Variants in PAK5 observed in about 807,000 individuals in gnomAD.
PAK5 encodes the protein serine/threonine-protein kinase PAK 5.
In PAK5, 16 loss-of-function variants were observed where a neutral mutation model predicts 65.9. That is an observed-to-expected ratio of 0.24 (90% CI 0.16 to 0.37). PAK5 has a LOEUF of 0.37. Ranked by LOEUF, PAK5 falls within the 10% of genes least tolerant of loss-of-function variation. The pLI, the probability that PAK5 is intolerant of heterozygous loss-of-function variation, is 1.00. For synonymous variants in PAK5, 371 were observed against 354.9 expected (o/e 1.05, Z -0.51); for missense variants, 785 against 903.9 (o/e 0.87, Z 1.69).
intron 3 of PAK5, among the ~76,000 whole-genome samples, chr20:9,603,006 C>T (rs1269969110): frequency 6.6e-6 from 1 of 152,162 alleles, no homozygotes; most frequent in Non-Finnish European, 1.5e-5. Context: ...ATGTGAAAGC[C>T]AAGTTGATTT....
intron 4 of PAK5, among the ~76,000 whole-genome samples, chr20:9,568,404 A>G (rs906809831): frequency 1.3e-5 from 2 of 152,192 alleles, no homozygotes; most frequent in Non-Finnish European, 2.9e-5. Flanking sequence ...GATGGCTATC[A>G]GGATTTTGGC....
chr20:9,672,673 C>T (rs182251888), intron 2 of PAK5, among the ~76,000 whole-genome samples: 4 of 152,212 alleles, frequency 2.6e-5, no homozygotes, highest in Admixed American at 1.3e-4. Context: ...TACCCAGTCT[C>T]GCGTATGTCT....
At chr20:9,724,072 A>T (rs545254050) in intron 1 of PAK5, among the ~76,000 whole-genome samples, 1 of 152,300 alleles carries the variant, frequency 6.6e-6, no homozygotes, top group Admixed American at 6.5e-5. Context: ...TTACAAATGT[A>T]GCAGAAAATT....
chr20:9,708,963 C>T (rs775201886), intron 2 of PAK5, among the ~76,000 whole-genome samples: 8 of 152,058 alleles, frequency 5.3e-5, no homozygotes, highest in East Asian at 1.9e-4. Context: ...ACCCTACAAA[C>T]GTATGCTGGC....
chr20:9,577,172 C>A (rs564566630), intron 4 of PAK5, among the ~76,000 whole-genome samples: 17 of 152,122 alleles, frequency 1.1e-4, no homozygotes, highest in African/African-American at 3.9e-4. Flanking sequence ...GCTTCCCACC[C>A]TCCCAACCCC....
chr20:9,630,170 A>G (rs1160439861), intron 3 of PAK5, among the ~76,000 whole-genome samples: 1 of 152,164 alleles, frequency 6.6e-6, no homozygotes, highest in Non-Finnish European at 1.5e-5. Context: ...CAGAATCAGA[A>G]TCTGATGATG....
intron 1 of PAK5, among the ~76,000 whole-genome samples, chr20:9,785,883 G>C (rs942937357): frequency 6.6e-6 from 1 of 152,086 alleles, no homozygotes; most frequent in African/African-American, 2.4e-5. Flanking sequence ...GCAGCCTCAA[G>C]GTCAGAAAAG....
intron 3 of PAK5, among the ~76,000 whole-genome samples, chr20:9,582,873 A>C (rs1323767531): frequency 6.6e-6 from 1 of 152,148 alleles, no homozygotes; most frequent in East Asian, 1.9e-4. Flanking sequence ...TGTTGCTCAA[A>C]TGGTTCCAGC....
chr20:9,545,009 T>C (rs1364030901), intron 7 of PAK5, among the ~76,000 whole-genome samples: 1 of 152,206 alleles, frequency 6.6e-6, no homozygotes, highest in Non-Finnish European at 1.5e-5. Context: ...CCTTTGCTTA[T>C]CCAGGATGTG....
intron 1 of PAK5, among the ~76,000 whole-genome samples, chr20:9,743,406 G>C (rs113144526): frequency 1.3e-5 from 2 of 150,310 alleles, no homozygotes; most frequent in African/African-American, 4.9e-5. Context: ...AAAAACAAAC[G>C]AAACAAAACA....
chr20:9,728,637 T>A (rs193213539), intron 1 of PAK5, among the ~76,000 whole-genome samples: 1 of 152,314 alleles, frequency 6.6e-6, no homozygotes, highest in East Asian at 1.9e-4. Context: ...AAATACATTT[T>A]GGATCTTGGA....
intron 1 of PAK5, among the ~76,000 whole-genome samples, chr20:9,743,077 T>C (rs1197072163): frequency 6.6e-6 from 1 of 152,118 alleles, no homozygotes; most frequent in Non-Finnish European, 1.5e-5. Flanking sequence ...TAATAAAGTA[T>C]AAAAAACTGG....
At chr20:9,716,704 A>G (rs1270252666) in intron 1 of PAK5, among the ~76,000 whole-genome samples, 3 of 152,190 alleles carry the variant, frequency 2.0e-5, no homozygotes, top group Admixed American at 1.3e-4. Flanking sequence ...CTCTCCTCTC[A>G]TATTTCTTTC....
intron 1 of PAK5, among the ~76,000 whole-genome samples, chr20:9,752,942 T>C (rs1481752197): frequency 6.6e-6 from 1 of 152,116 alleles, no homozygotes; most frequent in Non-Finnish European, 1.5e-5. Flanking sequence ...CCACCCTCAC[T>C]TGGAACCCTG....
chr20:9,600,262 G>C (rs922360978), intron 3 of PAK5, among the ~76,000 whole-genome samples: 2 of 152,138 alleles, frequency 1.3e-5, no homozygotes, highest in African/African-American at 4.8e-5. Context: ...TAGTTTTGTA[G>C]TAAGTTTTGA....
chr20:9,670,994 C>A (rs1018996109), intron 2 of PAK5, among the ~76,000 whole-genome samples: 3 of 152,190 alleles, frequency 2.0e-5, no homozygotes, highest in African/African-American at 7.2e-5. Context: ...CTACATATGG[C>A]TAGCCAGTTT....
intron 2 of PAK5, among the ~76,000 whole-genome samples, chr20:9,695,389 A>G (rs548796629): frequency 2.6e-4 from 40 of 152,136 alleles, no homozygotes; most frequent in African/African-American, 7.5e-4. Context: ...CTTTTCCATT[A>G]TATTTATTAC....
At chr20:9,701,963 G>T (rs1055426953) in intron 2 of PAK5, among the ~76,000 whole-genome samples, 1 of 152,064 alleles carries the variant, frequency 6.6e-6, no homozygotes, top group Non-Finnish European at 1.5e-5. Flanking sequence ...CTGTATCACT[G>T]CACTCCAGCC....
At chr20:9,689,344 T>C (rs2047761977) in intron 2 of PAK5, among the ~76,000 whole-genome samples, 2 of 152,222 alleles carry the variant, frequency 1.3e-5, no homozygotes, top group South Asian at 2.1e-4. Context: ...AATTGTCTAC[T>C]CAGCCAAATA....
Sources: gnomAD v4.1 joint callset for allele counts (sites outside exome capture counted in the v4.1 genomes callset) on GRCh38, gnomAD v4.1.1 for gene constraint, MANE v1.5 for transcripts, NCBI Gene and HGNC (gene_info 2026-07-23, HGNC 2026-07-21) for gene names.